LRRC63: variants seen among roughly 807,000 people sequenced by gnomAD.
The protein encoded by LRRC63 is leucine rich repeat containing 63, also known as leucine-rich repeat-containing protein 63.
In LRRC63, 40 loss-of-function variants were observed where a neutral mutation model predicts 49.5. That is an observed-to-expected ratio of 0.81 (90% confidence interval 0.63 to 1.05). The LOEUF (loss-of-function observed/expected upper bound fraction) is 1.05, where lower values mean the gene tolerates loss of function less well. Ranked by LOEUF, LRRC63 falls within the 50% of genes least tolerant of loss-of-function variation. The pLI is 0.00. For missense variants in LRRC63, 636 were observed against 663.1 expected, an observed-to-expected ratio of 0.96 and a Z score of 0.45; for synonymous variants, 191 against 221.1, an observed-to-expected ratio of 0.86 and a Z score of 1.21.
At chr13:46,271,116 T>C (rs1437678628) in intron 9 of LRRC63, among the ~76,000 whole-genome samples, 1 of 152,208 alleles carries the variant, frequency 6.6e-6, no homozygotes, top group Non-Finnish European at 1.5e-5. Flanking sequence ...GGCTGACTTT[T>C]CATATACTCA....
At chr13:46,256,607 AT>A (rs1441644447) in intron 7 of LRRC63, among the ~76,000 whole-genome samples, 2 of 152,194 alleles carry the variant, frequency 1.3e-5, no homozygotes, top group Non-Finnish European at 2.9e-5. Context: ...AACTTATCCT[AT>A]GCCTGTCTCA....
At chr13:46,270,208 AAT>A (rs1421447775) in intron 9 of LRRC63, 1 of 838,432 alleles carries the variant, frequency 1.2e-6, no homozygotes, top group Admixed American at 1.7e-5. Flanking sequence ...ACTCTAACCG[AAT>A]ATGTGTCATC....
rs753015844 is a variant in LRRC63, at chr13:46,234,285, C to T, written c.926C>T (p.Thr309Ile). 10 of 1,550,130 alleles carry T rather than the reference C, an allele frequency of 6.5e-6. No individual in the cohort carries two copies. In the East Asian group the frequency reaches 1.5e-4, roughly 23 times the overall value. The change falls in exon 5 of 10, where the codon ACA (threonine) becomes ATA (isoleucine). Residue 309 changes from threonine to isoleucine, a missense_variant. Coordinates refer to ENST00000595396, the Ensembl canonical transcript of LRRC63. ...GCAGCAACACGATATGAAACAATAA[C>T]AGCCATGACCAACCTGGCCATAGTA...
chr13:46,244,735 A>T (rs1051786647), intron 5 of LRRC63, among the ~76,000 whole-genome samples: 1 of 152,142 alleles, frequency 6.6e-6, no homozygotes, highest in Non-Finnish European at 1.5e-5. Flanking sequence ...GTGCCACTGG[A>T]CTCCAGGCAG....
rs571488627 is a variant in LRRC63, at chr13:46,236,990, G to A, written c.990+2641G>A. 2.8e-4 allele frequency among the ~76,000 whole-genome samples: 42 copies of A among 152,200 alleles called. 1 individual carries two copies. The South Asian group carries it at 7.2e-3, about 26-fold the overall frequency. Reference sequence around the variant, plus strand: ...TGGTATCAATCCAAACTACATTGTTGTAAATTTAGGATGCCAAGTGCAATC... The same window carrying A: ...TGGTATCAATCCAAACTACATTGTTATAAATTTAGGATGCCAAGTGCAATC... On this transcript the variant is annotated intron_variant, in intron 5 of 9. Coordinates refer to ENST00000595396, the Ensembl canonical transcript of LRRC63.
intron 9 of LRRC63, chr13:46,270,141 G>C: frequency 2.8e-6 from 2 of 707,368 alleles, no homozygotes; most frequent in Non-Finnish European, 5.2e-6. Context: ...TACTTCACTC[G>C]CTGGTACAAA....
intron 2 of LRRC63, among the ~76,000 whole-genome samples, chr13:46,226,209 C>G (rs1281421591): frequency 6.6e-6 from 1 of 151,896 alleles, no homozygotes; most frequent in Admixed American, 6.6e-5. Context: ...GTCTTGAACT[C>G]CTGGCCTCAA....
chr13:46,272,729 A>G (rs1424427957), intron 9 of LRRC63, among the ~76,000 whole-genome samples: 2 of 152,252 alleles, frequency 1.3e-5, no homozygotes, highest in East Asian at 3.8e-4. Flanking sequence ...TGGCATATTC[A>G]TACTATAAAA....
intron 8 of LRRC63, among the ~76,000 whole-genome samples, chr13:46,266,475 A>G (rs2099932255): frequency 6.6e-6 from 1 of 152,214 alleles, no homozygotes. Flanking sequence ...CTTTTTCCAT[A>G]GTGATGACAT....
At chr13:46,259,998 G>A (rs2047588206) in intron 7 of LRRC63, among the ~76,000 whole-genome samples, 1 of 152,206 alleles carries the variant, frequency 6.6e-6, no homozygotes, top group Non-Finnish European at 1.5e-5. Flanking sequence ...CCTAAAAAAT[G>A]TGATAGATTT....
intron 5 of LRRC63, among the ~76,000 whole-genome samples, chr13:46,246,137 C>T (rs9595442): frequency 0.016 from 2,429 of 152,182 alleles, 72 homozygotes; most frequent in African/African-American, 0.056. Context: ...CATGTAAGAC[C>T]GCTTCCCCCT....
chr13:46,214,664 A>G (rs2046195362), intron 2 of LRRC63, among the ~76,000 whole-genome samples: 1 of 150,926 alleles, frequency 6.6e-6, no homozygotes, highest in East Asian at 1.9e-4. Context: ...AAAAAAAAGC[A>G]GGATACATGC....
chr13:46,225,796 A>G (rs897359021), intron 2 of LRRC63, among the ~76,000 whole-genome samples: 7 of 152,110 alleles, frequency 4.6e-5, no homozygotes, highest in East Asian at 3.9e-4. Context: ...AATTAGCTCT[A>G]TCTCATTTTC....
At chr13:46,212,095 A>G (rs1300471065) in exon 1 of LRRC63, 1 of 152,288 alleles carries the variant, frequency 6.6e-6, no homozygotes, top group South Asian at 2.1e-4. Context: ...AGGAGACGAA[A>G]AGCCAGTTGG....
intron 5 of LRRC63, among the ~76,000 whole-genome samples, chr13:46,243,468 G>GTAAA (rs2138489343): frequency 6.6e-6 from 1 of 152,166 alleles, no homozygotes; most frequent in Non-Finnish European, 1.5e-5. Context: ...TTGAATATAA[G>GTAAA]TAAATAAATA....
intron 9 of LRRC63, among the ~76,000 whole-genome samples, chr13:46,275,983 T>G (rs2047830687): frequency 6.6e-6 from 1 of 152,164 alleles, no homozygotes; most frequent in South Asian, 2.1e-4. Flanking sequence ...GGTATTTCTT[T>G]GCTATTTTGT....
intron 2 of LRRC63, among the ~76,000 whole-genome samples, chr13:46,220,527 G>A (rs1011903866): frequency 1.3e-5 from 2 of 152,114 alleles, no homozygotes; most frequent in South Asian, 2.1e-4. Flanking sequence ...CAGTGGATTA[G>A]CTTGCTCAGC....
intron 2 of LRRC63, among the ~76,000 whole-genome samples, chr13:46,220,209 C>T (rs528369555): frequency 3.2e-4 from 49 of 152,292 alleles, no homozygotes; most frequent in Non-Finnish European, 5.9e-4. Context: ...CACCCATGGC[C>T]GCCTCTTCCC....
intron 2 of LRRC63, among the ~76,000 whole-genome samples, chr13:46,220,009 G>T (rs1245444667): frequency 2.0e-5 from 3 of 152,152 alleles, no homozygotes; most frequent in African/African-American, 4.8e-5. Flanking sequence ...CCAGATGCCA[G>T]CTGGAGCTCT....
Sources: gnomAD v4.1 joint callset for allele counts (sites outside exome capture counted in the v4.1 genomes callset) on GRCh38, gnomAD v4.1.1 for gene constraint, MANE v1.5 for transcripts, NCBI Gene and HGNC (gene_info 2026-07-23, HGNC 2026-07-21) for gene names.